PKNOX2: variants seen among roughly 807,000 people sequenced by gnomAD.
PKNOX2 encodes the protein homeobox protein PKNOX2.
PKNOX2 carries 14 observed loss-of-function variants against 53.1 expected under a neutral mutation model. The ratio of observed to expected loss-of-function variants is 0.26; its 90% CI spans 0.17 to 0.41. The LOEUF is 0.41. PKNOX2 is among the 10% of genes least tolerant of loss of function. PKNOX2 has a pLI of 1.00. For missense variants in PKNOX2, 496 were observed against 602.8 expected, an observed-to-expected ratio of 0.82 and a Z score of 1.85; for synonymous variants, 257 against 242.8, an observed-to-expected ratio of 1.06 and a Z score of -0.54.
chr11:125,406,005 A>G (rs1305177202), intron 7 of PKNOX2, among the ~76,000 whole-genome samples: 4 of 152,194 alleles, frequency 2.6e-5, no homozygotes, highest in Admixed American at 2.6e-4. Context: ...TGGGTGCTGA[A>G]AAAAGTAACT....
intron 2 of PKNOX2, among the ~76,000 whole-genome samples, chr11:125,284,373 G>A (rs986348012): frequency 2.0e-5 from 3 of 152,176 alleles, no homozygotes; most frequent in Non-Finnish European, 2.9e-5. Flanking sequence ...CTCTCAGCCC[G>A]CTGCTCCTCA....
chr11:125,353,433 T>G (rs918340967), intron 4 of PKNOX2, among the ~76,000 whole-genome samples: 1 of 152,244 alleles, frequency 6.6e-6, no homozygotes. Flanking sequence ...CCTAATTTAG[T>G]GATCAGCATA....
chr11:125,283,092 C>T (rs1946673288), intron 2 of PKNOX2, among the ~76,000 whole-genome samples: 2 of 151,968 alleles, frequency 1.3e-5, no homozygotes, highest in Non-Finnish European at 2.9e-5. Flanking sequence ...GCTGAGGTTG[C>T]CATGAACTGA....
rs149435950 is a variant in PKNOX2, at chr11:125,173,810, G to C, written c.-201+9034G>C. On this transcript the variant is annotated intron_variant, in intron 1 of 12. Transcript: ENST00000298282. Reference sequence around the variant, plus strand: ...AGAATTCCCTCGGGGGCTCGTGCCCGTGGTCATCAGCTCACAATCCAGACA... The same window carrying C: ...AGAATTCCCTCGGGGGCTCGTGCCCCTGGTCATCAGCTCACAATCCAGACA... 2.0e-4 allele frequency among the ~76,000 whole-genome samples: 31 copies of C among 152,298 alleles called. 1 individual carries two copies. Among genetic ancestry groups the C allele is most frequent in the Admixed American group, 8.5e-4 (13 of 15,294 alleles).
intron 1 of PKNOX2, among the ~76,000 whole-genome samples, chr11:125,211,639 T>C (rs141009524): frequency 4.7e-4 from 72 of 152,256 alleles, no homozygotes; most frequent in African/African-American, 1.7e-3. Flanking sequence ...CTTCTGGGCC[T>C]GCCCTCCTGG....
chr11:125,196,989 T>G (rs1937785515), intron 1 of PKNOX2, among the ~76,000 whole-genome samples: 1 of 152,222 alleles, frequency 6.6e-6, no homozygotes, highest in Non-Finnish European at 1.5e-5. Flanking sequence ...GTAAGCGATG[T>G]GGCTACTTAA....
intron 2 of PKNOX2, among the ~76,000 whole-genome samples, chr11:125,251,025 A>G (rs567021470): frequency 6.6e-6 from 1 of 152,362 alleles, no homozygotes; most frequent in Non-Finnish European, 1.5e-5. Flanking sequence ...TGATTGCCCA[A>G]CAGGCTCTGG....
intron 4 of PKNOX2, among the ~76,000 whole-genome samples, chr11:125,363,158 G>A (rs752118074): frequency 1.6e-4 from 24 of 152,118 alleles, no homozygotes; most frequent in South Asian, 4.1e-4. Context: ...CATGGGAAGC[G>A]CAGAACCCGC....
chr11:125,337,309 C>G (rs1309603113), intron 3 of PKNOX2, among the ~76,000 whole-genome samples: 1 of 152,186 alleles, frequency 6.6e-6, no homozygotes, highest in Non-Finnish European at 1.5e-5. Flanking sequence ...CTTTCTTGTT[C>G]AGTGTTCTCC....
rs2135443210 is a variant in PKNOX2 at position 125,395,647 on chromosome 11, G to A, written c.400-2227G>A. ...TAGGTGTGTAGTGATATCTCATTGT[G>A]GTTTTAATTTGCATTTCCCTAGTGA... On this transcript the variant is annotated intron_variant, in intron 6 of 12. Transcript: ENST00000298282. 1.3e-5 allele frequency among the ~76,000 whole-genome samples: 2 copies of A among 152,134 alleles called. 1 individual carries two copies. The highest frequency in any genetic ancestry group is 2.9e-5 in the Non-Finnish European group (2 of 67,964).
At chr11:125,411,686 G>T in intron 9 of PKNOX2, 60 bp from the exon 10 acceptor site, 1 of 1,612,338 alleles carries the variant, frequency 6.2e-7, no homozygotes. Context: ...ATGGCAACAG[G>T]TCCCCAGCCG....
At chr11:125,366,353 T>C (rs1440407842) in intron 4 of PKNOX2, among the ~76,000 whole-genome samples, 1 of 152,184 alleles carries the variant, frequency 6.6e-6, no homozygotes, top group East Asian at 1.9e-4. Flanking sequence ...TAATAAACGA[T>C]ACAATCTAGG....
Position 125,178,696 on chromosome 11 carries a change from G to GAAAGAA in PKNOX2, c.-201+13921_-201+13922insAAGAAA, listed in dbSNP as rs1187761989. On this transcript the variant is annotated intron_variant, in intron 1 of 12. Coordinates refer to ENST00000298282, the MANE Select transcript of PKNOX2 (RefSeq NM_001382323.2). ...AAAGAAAGAGAGAGAGAGAGAGAGA[G>GAAAGAA]AGAAAGAAAGAAAGAAAGAAAGAGA... 3.3e-3 allele frequency among the ~76,000 whole-genome samples: 229 copies of GAAAGAA among 70,110 alleles called. 11 individuals are homozygous for GAAAGAA. Among genetic ancestry groups the GAAAGAA allele is most frequent in the Non-Finnish European group, 4.1e-3 (132 of 32,338 alleles). 46.0% of individuals were successfully genotyped at this position (70,110 alleles called of 152,430 possible).
At chr11:125,215,163 A>T (rs939898426) in intron 1 of PKNOX2, among the ~76,000 whole-genome samples, 1 of 152,082 alleles carries the variant, frequency 6.6e-6, no homozygotes, top group Non-Finnish European at 1.5e-5. Flanking sequence ...CGGATTGTCC[A>T]AATATCAGCT....
chr11:125,222,242 C>G (rs1364577275), intron 1 of PKNOX2, among the ~76,000 whole-genome samples: 1 of 152,164 alleles, frequency 6.6e-6, no homozygotes, highest in Non-Finnish European at 1.5e-5. Context: ...GAGCCACCCC[C>G]CTTGCTCTCT....
chr11:125,418,879 A>G (rs962135039), intron 10 of PKNOX2, among the ~76,000 whole-genome samples: 1 of 152,072 alleles, frequency 6.6e-6, no homozygotes, highest in African/African-American at 2.4e-5. Context: ...TTTACATTGT[A>G]TTCATTACTG....
chr11:125,184,513 A>T (rs1300230663), intron 1 of PKNOX2: 1 of 152,260 alleles, frequency 6.6e-6, no homozygotes, highest in Non-Finnish European at 1.5e-5. Flanking sequence ...AGCCATAAAC[A>T]AGAGTGTGTG....
At chr11:125,382,099 T>TACAC (rs1358702632) in intron 5 of PKNOX2, among the ~76,000 whole-genome samples, 6 of 152,192 alleles carry the variant, frequency 3.9e-5, no homozygotes, top group Non-Finnish European at 7.3e-5. Flanking sequence ...ACCATCCCTG[T>TACAC]ACACATACAC....
intron 2 of PKNOX2, among the ~76,000 whole-genome samples, chr11:125,306,394 T>A (rs7114721): frequency 2.6e-5 from 4 of 152,152 alleles, no homozygotes; most frequent in East Asian, 1.9e-4. Context: ...TGAAGTCCAC[T>A]TCTACTCCCA....
Sources: gnomAD v4.1 joint callset for allele counts (sites outside exome capture counted in the v4.1 genomes callset) on GRCh38, gnomAD v4.1.1 for gene constraint, MANE v1.5 for transcripts, NCBI Gene and HGNC (gene_info 2026-07-23, HGNC 2026-07-21) for gene names.